Variants in CD247 observed in about 807,000 individuals in gnomAD.
CD247 encodes the protein T-cell surface glycoprotein CD3 zeta chain.
A neutral mutation model predicts 30.0 loss-of-function variants in CD247; 13 were observed. The ratio of observed to expected loss-of-function variants is 0.43; its 90% CI spans 0.28 to 0.69. The LOEUF is 0.69. CD247 is among the 30% of genes least tolerant of loss of function. CD247 has a pLI of 0.16. For missense variants in CD247, 193 were observed against 212.6 expected (o/e 0.91, Z 0.57); for synonymous variants, 72 against 80.0 (o/e 0.90, Z 0.53).
chr1:167,431,842 C>T (rs112835061), intron 7 of CD247, 96 bp from the exon 8 acceptor site: 1 of 1,006,226 alleles, frequency 9.9e-7, no homozygotes, highest in African/African-American at 1.6e-5. Context: ...GCAGCACAGC[C>T]CTGTGACCAC....
rs183292274 is a variant in CD247 at position 167,445,773 on chromosome 1, T to C, written c.59-5006A>G. ...TAATCAACCTGGTCCTGCCATACCC[T>C]GAGGCTGAAAATACACGCTGGTGCC... On this transcript the variant is annotated intron_variant, in intron 1 of 7. Coordinates refer to ENST00000362089, the MANE Select transcript of CD247 (RefSeq NM_198053.3). Among the ~76,000 whole-genome samples the C allele has an allele frequency of 5.6e-3, 850 of 152,334 alleles. 8 individuals are homozygous for C. Among genetic ancestry groups the C allele is most frequent in the Admixed American group, 8.9e-3 (136 of 15,306 alleles).
chr1:167,496,556 G>A (rs1398471446), intron 1 of CD247, among the ~76,000 whole-genome samples: 3 of 152,202 alleles, frequency 2.0e-5, no homozygotes, highest in Non-Finnish European at 4.4e-5. Flanking sequence ...CCCGTGGAGA[G>A]TCTGACTCTA....
intron 1 of CD247, chr1:167,458,689 C>CTTTTTTTTTTTT (rs3070395): frequency 2.1e-4 from 20 of 95,376 alleles, no homozygotes; most frequent in East Asian, 5.5e-4. Flanking sequence ...TTCTTTCTTT[C>CTTTTTTTTTTTT]TTTTTTTTTT....
chr1:167,431,357 C>G lies in CD247; in HGVS notation c.*324G>C, dbSNP rs1651256719. Reference sequence around the variant, plus strand: ...TTCTCTGGGGACTTTACAAAACAGACTCAACAACTCAGCTGTGAGAGGCAG... The same window carrying G: ...TTCTCTGGGGACTTTACAAAACAGAGTCAACAACTCAGCTGTGAGAGGCAG... On this transcript the variant is annotated 3_prime_UTR_variant, in exon 8 of 8. Transcript: ENST00000362089. 3.4e-6 allele frequency: 2 copies of G among 596,152 alleles called. No homozygotes were observed. Among genetic ancestry groups the G allele is most frequent in the Non-Finnish European group, 6.0e-6 (2 of 335,794 alleles). The allele number at this position is 596,152 out of a possible 1,614,324, so 36.9% of individuals were successfully genotyped here.
At chr1:167,446,270 T>C (rs973753163) in intron 1 of CD247, among the ~76,000 whole-genome samples, 1 of 152,202 alleles carries the variant, frequency 6.6e-6, no homozygotes, top group Non-Finnish European at 1.5e-5. Context: ...CCACTGGCTC[T>C]GGCAAGCACA....
chr1:167,503,810 C>T (rs902030058), intron 1 of CD247, among the ~76,000 whole-genome samples: 21 of 151,970 alleles, frequency 1.4e-4, no homozygotes, highest in Admixed American at 6.5e-4. Flanking sequence ...GGTAGGCTAC[C>T]GGTTAGGGTG....
intron 1 of CD247, among the ~76,000 whole-genome samples, chr1:167,495,822 T>C (rs1303259300): frequency 6.6e-6 from 1 of 151,928 alleles, no homozygotes; most frequent in East Asian, 1.9e-4. Flanking sequence ...CACTTCCTTC[T>C]GGGTTTGACT....
intron 1 of CD247, among the ~76,000 whole-genome samples, chr1:167,460,793 T>C (rs763697356): frequency 2.6e-5 from 4 of 152,146 alleles, no homozygotes; most frequent in Non-Finnish European, 5.9e-5. Flanking sequence ...CCTGTGTCCA[T>C]GTGTTCTCAT....
intron 1 of CD247, among the ~76,000 whole-genome samples, chr1:167,467,221 T>G (rs1167859429): frequency 6.6e-6 from 1 of 152,230 alleles, no homozygotes; most frequent in Non-Finnish European, 1.5e-5. Context: ...ACTTTTAAAA[T>G]TTATCGTGGA....
At chr1:167,490,997 C>T (rs1317795402) in intron 1 of CD247, among the ~76,000 whole-genome samples, 14 of 151,740 alleles carry the variant, frequency 9.2e-5, no homozygotes, top group Non-Finnish European at 4.4e-5. Flanking sequence ...TTTGAAAGAA[C>T]TCATATAAGC....
chr1:167,485,796 A>G (rs551414404), intron 1 of CD247, among the ~76,000 whole-genome samples: 4 of 152,112 alleles, frequency 2.6e-5, no homozygotes, highest in African/African-American at 9.6e-5. Context: ...CATCTTAACT[A>G]TTTCCCACCA....
At chr1:167,463,486 T>A (rs1225480356) in intron 1 of CD247, among the ~76,000 whole-genome samples, 1 of 152,174 alleles carries the variant, frequency 6.6e-6, no homozygotes, top group Non-Finnish European at 1.5e-5. Flanking sequence ...CTAACACACA[T>A]ACACTTATTC....
intron 1 of CD247, among the ~76,000 whole-genome samples, chr1:167,448,079 A>G (rs1274589809): frequency 2.0e-5 from 3 of 152,038 alleles, no homozygotes; most frequent in African/African-American, 7.2e-5. Flanking sequence ...GCTCCCTTTC[A>G]TCGAATAACT....
chr1:167,467,314 T>C (rs1026318111), intron 1 of CD247, among the ~76,000 whole-genome samples: 2 of 152,368 alleles, frequency 1.3e-5, no homozygotes, highest in African/African-American at 4.8e-5. Flanking sequence ...CGGCCCTTCA[T>C]GCAAACGCAG....
intron 1 of CD247, among the ~76,000 whole-genome samples, chr1:167,509,133 G>A (rs551611392): frequency 2.6e-5 from 4 of 152,120 alleles, no homozygotes; most frequent in South Asian, 2.1e-4. Context: ...TTGGGAGGCC[G>A]AGGCAGGTGG....
intron 1 of CD247, among the ~76,000 whole-genome samples, chr1:167,482,954 A>G (rs548351327): frequency 6.3e-4 from 94 of 148,380 alleles, no homozygotes; most frequent in African/African-American, 2.3e-3. Context: ...AATCTGATCC[A>G]GTAACCACAC....
At chr1:167,442,246 A>C (rs9287082) in intron 1 of CD247, among the ~76,000 whole-genome samples, 1 of 152,102 alleles carries the variant, frequency 6.6e-6, no homozygotes, top group African/African-American at 2.4e-5. Context: ...AGGGTGTGGT[A>C]CCCATCTCAC....
chr1:167,460,849 G>T (rs1652974683), intron 1 of CD247, among the ~76,000 whole-genome samples: 1 of 152,222 alleles, frequency 6.6e-6, no homozygotes, highest in East Asian at 1.9e-4. Flanking sequence ...CTGAGTCTGG[G>T]CTGGGAGACA....
At chr1:167,505,582 G>A (rs924293663) in intron 1 of CD247, among the ~76,000 whole-genome samples, 23 of 152,232 alleles carry the variant, frequency 1.5e-4, no homozygotes, top group African/African-American at 4.3e-4. Flanking sequence ...GCTGCCCCTC[G>A]CCCTCCGGCA....
Sources: allele counts gnomAD v4.1 joint callset (sites outside exome capture counted in the v4.1 genomes callset), GRCh38; gene constraint gnomAD v4.1.1; transcripts MANE v1.5; gene names NCBI Gene and HGNC (gene_info 2026-07-23, HGNC 2026-07-21).